Variants in ZFPM1 observed in about 807,000 individuals in gnomAD.
The protein encoded by ZFPM1 is zinc finger protein ZFPM1.
ZFPM1 carries 28 observed loss-of-function variants against 46.3 expected under a neutral mutation model. The ratio of observed to expected loss-of-function variants is 0.60; its 90% CI spans 0.45 to 0.83. ZFPM1 has a LOEUF of 0.83. Among genes scored for constraint, ZFPM1 ranks in the 40% least tolerant of loss-of-function variants. ZFPM1 has a pLI of 0.00. For missense variants in ZFPM1, 1,878 were observed against 1,432.4 expected, an observed-to-expected ratio of 1.31 and a Z score of -5.02; for synonymous variants, 957 against 675.9, an observed-to-expected ratio of 1.42 and a Z score of -6.45.
At position 88,453,576 on chromosome 16, in the gene ZFPM1, C is replaced by T. The variant is rs1171817441; in HGVS notation, c.-63C>T. ...GCCCCGCGGCCCCGCCGCGCCCCCG[C>T]CGCCCGCCGCCGCCCGCCCGGGGCT... is the stretch of plus-strand genomic sequence containing the variant. On this transcript the variant is annotated 5_prime_UTR_variant, in exon 1 of 10. Coordinates refer to ENST00000319555, the MANE Select transcript of ZFPM1 (RefSeq NM_153813.3). The T allele has an allele frequency of 1.3e-5, 12 of 930,610 alleles. No individual in the cohort carries two copies. Among genetic ancestry groups the T allele is most frequent in the Non-Finnish European group, 1.5e-5 (12 of 782,856 alleles). 57.6% of individuals were successfully genotyped at this position (930,610 alleles called of 1,614,324 possible).
rs533473575 is a variant in ZFPM1 at position 88,511,133 on chromosome 16, C to T, written c.269-3254C>T. On this transcript the variant is annotated intron_variant, in intron 3 of 9. Transcript: ENST00000319555. ...AGGAGGCTGGCAGGGAAGGACACCA[C>T]CCCCTGGAAGCCCACCCTGACAGGC... Among the ~76,000 whole-genome samples, 11 of 152,322 alleles carry T rather than the reference C, an allele frequency of 7.2e-5. No individual in the cohort carries two copies. The South Asian group carries it at 2.3e-3, about 32-fold the overall frequency.
chr16:88,472,635 A>C (rs1567529722), intron 1 of ZFPM1, among the ~76,000 whole-genome samples: 5 of 152,164 alleles, frequency 3.3e-5, no homozygotes. Context: ...TACAAGCGTG[A>C]GCCACTGCGC....
chr16:88,489,090 G>A lies in ZFPM1; in HGVS notation c.205G>A (p.Glu69Lys), dbSNP rs766612988. 6 of 1,613,064 alleles carry A rather than the reference G, an allele frequency of 3.7e-6. No homozygotes were observed. The South Asian group carries it at 5.5e-5, about 15-fold the overall frequency. Reference protein sequence around the residue: ...PTSPGGPKELEGQEPEPRPTE... With the variant: ...PTSPGGPKELKGQEPEPRPTE... ...ATCCCCAGGAGGCCCCAAGGAGCTG[G>A]AAGGACAGGAACCAGAACCCAGGCC... The change falls in exon 3 of 10, where the codon GAA (glutamate) becomes AAA (lysine). Residue 69 changes from glutamate to lysine, a missense_variant. Coordinates refer to ENST00000319555, the MANE Select transcript of ZFPM1 (RefSeq NM_153813.3).
chr16:88,476,554 G>A (rs572603959), intron 1 of ZFPM1, among the ~76,000 whole-genome samples: 19 of 152,220 alleles, frequency 1.2e-4, no homozygotes, highest in Non-Finnish European at 2.1e-4. Context: ...GGCCATTTTC[G>A]GAAACCAGGT....
chr16:88,460,604 G>A (rs1907773496), intron 1 of ZFPM1, among the ~76,000 whole-genome samples: 1 of 152,262 alleles, frequency 6.6e-6, no homozygotes. Flanking sequence ...GGACCCCAGA[G>A]TGAGGATGGA....
At chr16:88,475,631 A>C (rs1349674047) in intron 1 of ZFPM1, among the ~76,000 whole-genome samples, 1 of 152,168 alleles carries the variant, frequency 6.6e-6, no homozygotes, top group Non-Finnish European at 1.5e-5. Flanking sequence ...CGCCGGGTAC[A>C]GGGCAGGGCT....
chr16:88,471,594 G>A lies in ZFPM1; in HGVS notation c.41-14345G>A, dbSNP rs577414227. ...TCACAGTGGGGGACGCCAGGACCCC[G>A]AGATGATCGTGGCTGTAGCGGCTCC... On this transcript the variant is annotated intron_variant, in intron 1 of 9. Transcript: ENST00000319555. This position sits in a 1 kb window ranked among gnomAD's most constrained non-coding sequence, Gnocchi z 4.1. Among the ~76,000 whole-genome samples the A allele has an allele frequency of 2.1e-4, 32 of 152,310 alleles. 1 individual carries two copies. The East Asian group carries it at 5.8e-3, about 28-fold the overall frequency.
At chr16:88,506,603 C>A (rs1343404512) in intron 3 of ZFPM1, among the ~76,000 whole-genome samples, 2 of 152,182 alleles carry the variant, frequency 1.3e-5, no homozygotes, top group Non-Finnish European at 2.9e-5. Context: ...AGAGCCATTT[C>A]CCCAGTGTGG....
rs372082316 is a variant in ZFPM1 at position 88,533,555 on chromosome 16, C to A, written c.1597C>A (p.Pro533Thr). 377 of 1,479,838 alleles carry A rather than the reference C, an allele frequency of 2.5e-4. 1 individual carries two copies. The highest frequency in any genetic ancestry group is 2.3e-3 in the South Asian group (186 of 80,846). The allele number at this position is 1,479,838 out of a possible 1,614,324, so 91.7% of individuals were successfully genotyped here. ...GTTCCTTCCGCAGTACGTGTTCGGG[C>A]CCGACGCGGCGCCCCCCGCCTCGGA... ...ALFLPQYVFG[P>T]DAAPPASEIL... The change falls in exon 10 of 10, where the codon CCC becomes ACC. Residue 533 changes from proline to threonine, a missense_variant. Pro to Thr is a conservative substitution (Grantham distance 38). Coordinates refer to ENST00000319555, the MANE Select transcript of ZFPM1 (RefSeq NM_153813.3).
In ZFPM1 at chr16:88,514,450, C is replaced by T. The variant is rs758852453; in HGVS notation, c.332C>T (p.Thr111Met). The stretch of plus-strand genomic sequence containing the variant: ...ATACGGGCCCGACTCAGCCTCGCCA[C>T]GGGCCTGTCCTGGGGCCCGTTCCAT... ...RRIRARLSLA[T>M]GLSWGPFHGS... Residue 111 changes from threonine to methionine, a missense_variant, in exon 4 of 10, where the codon ACG becomes ATG. By Grantham distance (81) the Thr-to-Met change is moderately conservative. Transcript: ENST00000319555. The T allele has an allele frequency of 6.4e-6, 10 of 1,558,240 alleles. No individual in the cohort carries two copies. Among genetic ancestry groups the T allele is most frequent in the African/African-American group, 4.1e-5 (3 of 73,562 alleles).
At chr16:88,487,849 A>G (rs1174219450) in intron 2 of ZFPM1, among the ~76,000 whole-genome samples, 1 of 152,132 alleles carries the variant, frequency 6.6e-6, no homozygotes, top group Non-Finnish European at 1.5e-5. Context: ...TCACCCAGGG[A>G]CATCCCAGCC....
chr16:88,457,480 C>T (rs1907609018), intron 1 of ZFPM1, among the ~76,000 whole-genome samples: 1 of 152,256 alleles, frequency 6.6e-6, no homozygotes, highest in Admixed American at 6.5e-5. Context: ...GCTGCAGGTC[C>T]TGCTCTCAGC....
intron 3 of ZFPM1, among the ~76,000 whole-genome samples, chr16:88,509,016 C>A (rs1910810188): frequency 6.6e-6 from 1 of 152,132 alleles, no homozygotes; most frequent in Non-Finnish European, 1.5e-5. Flanking sequence ...CCCTGGCCAC[C>A]CCGGTCTGCC....
At chr16:88,476,917 T>G (rs1908712498) in intron 1 of ZFPM1, among the ~76,000 whole-genome samples, 1 of 152,238 alleles carries the variant, frequency 6.6e-6, no homozygotes, top group African/African-American at 2.4e-5. Context: ...CGCTTTTGGC[T>G]GCAAGACCCT....
intron 1 of ZFPM1, among the ~76,000 whole-genome samples, chr16:88,454,446 G>A (rs1050106860): frequency 2.0e-5 from 3 of 152,208 alleles, no homozygotes; most frequent in African/African-American, 7.2e-5. Flanking sequence ...TCGGATGCCC[G>A]CGGGCACCCC....
chr16:88,454,788 G>A (rs1429449804), intron 1 of ZFPM1, among the ~76,000 whole-genome samples: 1 of 152,038 alleles, frequency 6.6e-6, no homozygotes, highest in Non-Finnish European at 1.5e-5. Flanking sequence ...GAGCCTGACG[G>A]GCAGGTCGTC....
At position 88,534,901 on chromosome 16, in the gene ZFPM1, C is replaced by T. The variant is rs757560761; in HGVS notation, c.2943C>T (p.Ile981=). The change falls in exon 10 of 10, where the codon ATC becomes ATT. Residue 981 remains isoleucine (I), a synonymous_variant. Transcript: ENST00000319555. ...GNHRYCRLCN[I]KFSSLSTFIA... is the part of the protein sequence containing the mutation. ...ACCGGTACTGCCGTCTTTGCAACAT[C>T]AAGTTCAGCAGCCTGTCCACCTTCA... The T allele has an allele frequency of 1.3e-5, 20 of 1,565,318 alleles. No homozygotes were observed. Among genetic ancestry groups the T allele is most frequent in the Non-Finnish European group, 1.6e-5 (19 of 1,159,516 alleles).
chr16:88,498,857 G>C (rs1043390849), intron 3 of ZFPM1, among the ~76,000 whole-genome samples: 6 of 152,190 alleles, frequency 3.9e-5, no homozygotes, highest in African/African-American at 1.4e-4. Context: ...CGTTGGCGTG[G>C]ACACCTTGGC....
chr16:88,502,297 C>T (rs866717387), intron 3 of ZFPM1, among the ~76,000 whole-genome samples: 2 of 152,022 alleles, frequency 1.3e-5, no homozygotes, highest in Admixed American at 6.5e-5. Flanking sequence ...GATGCTATCT[C>T]GGGTTTATTG....
Sources: allele counts gnomAD v4.1 joint callset (sites outside exome capture counted in the v4.1 genomes callset), GRCh38; gene constraint gnomAD v4.1.1; non-coding constraint Gnocchi (gnomAD v3.1); transcripts MANE v1.5; gene names NCBI Gene and HGNC (gene_info 2026-07-23, HGNC 2026-07-21).